Variants in NF1 observed in about 807,000 individuals in gnomAD.
NF1 encodes neurofibromin.
A neutral mutation model predicts 325.7 loss-of-function variants in NF1; 122 were observed. The observed-to-expected ratio is 0.37, with a 90% CI of 0.32 to 0.44. NF1 has a LOEUF of 0.44. Ranked by LOEUF, NF1 falls within the 20% of genes least tolerant of loss-of-function variation. The pLI, the probability that NF1 is intolerant of heterozygous loss-of-function variation, is 1.00. For missense variants in NF1, 2,140 were observed against 3,415.4 expected (o/e 0.63, Z 9.31); for synonymous variants, 1,091 against 1,186.0 (o/e 0.92, Z 1.65).
chr17:31,325,226 C>T (rs955684540), intron 36 of NF1, among the ~76,000 whole-genome samples: 11 of 152,140 alleles, frequency 7.2e-5, no homozygotes, highest in Non-Finnish European at 1.2e-4. Context: ...TTTCTCAGCT[C>T]CTTCTCTTCA....
At chr17:31,230,204 T>C in intron 22 of NF1, 56 bp from the exon 23 acceptor site, 2 of 1,580,890 alleles carry the variant, frequency 1.3e-6, no homozygotes, top group African/African-American at 1.3e-5. Context: ...GTATTTAGAA[T>C]GCCTTCTCTT....
At chr17:31,120,873 T>A (rs1427340976) in intron 1 of NF1, among the ~76,000 whole-genome samples, 1 of 152,166 alleles carries the variant, frequency 6.6e-6, no homozygotes, top group East Asian at 1.9e-4. Context: ...AATTTGTGAT[T>A]GTTTCAAATC....
intron 39 of NF1, chr17:31,331,579 A>G (rs2069488641): frequency 6.6e-6 from 1 of 152,220 alleles, no homozygotes; most frequent in African/African-American, 2.4e-5. Context: ...CCATCAGATC[A>G]GTTTAAGAGA....
At chr17:31,098,187 C>T (rs1052933288) in intron 1 of NF1, among the ~76,000 whole-genome samples, 6 of 150,368 alleles carry the variant, frequency 4.0e-5, no homozygotes, top group African/African-American at 1.5e-4. Flanking sequence ...TAGAGTTCAC[C>T]TTACGGTTGA....
At chr17:31,204,664 C>T (rs115034529) in intron 11 of NF1, among the ~76,000 whole-genome samples, 72 of 151,808 alleles carry the variant, frequency 4.7e-4, no homozygotes, top group African/African-American at 1.6e-3. Context: ...TACCACAATA[C>T]GGTTTCAAAA....
intron 1 of NF1, among the ~76,000 whole-genome samples, chr17:31,114,110 G>A (rs1159710897): frequency 1.1e-4 from 16 of 152,144 alleles, no homozygotes; most frequent in Admixed American, 1.0e-3. Context: ...TTATAAACTT[G>A]CCCGTTTCCC....
At chr17:31,356,375 A>G (rs970684703) in intron 51 of NF1, 85 bp from the exon 52 acceptor site, 2 of 1,431,386 alleles carry the variant, frequency 1.4e-6, no homozygotes, top group Admixed American at 1.7e-5. Flanking sequence ...TAAACACTTT[A>G]TGTCCAAACA....
At chr17:31,183,197 T>C (rs1466731161) in intron 8 of NF1, 3 of 230,326 alleles carry the variant, frequency 1.3e-5, no homozygotes, top group African/African-American at 4.4e-5. Context: ...TAAAATTTTT[T>C]TAAATATCAC....
In NF1 at chr17:31,235,718, G is replaced by C. The variant is rs756780735; in HGVS notation, c.3816G>C (p.Gln1272His). ...SKEVELADSM[Q>H]TLFRGNSLAS... ...AAGTAGAATTGGCAGACTCCATGCA[G>C]ACTCTCTTCCGAGGCAACAGCTTGG... Residue 1272 changes from glutamine (Q) to histidine (H), a missense_variant, in exon 28 of 58, where the codon CAG becomes CAC. Transcript: ENST00000358273. 6.2e-7 allele frequency: 1 copy of C among 1,614,032 alleles called. No individual in the cohort carries two copies. The highest frequency in any genetic ancestry group is 8.5e-7 in the Non-Finnish European group (1 of 1,180,026).
At chr17:31,280,672 T>C (rs2068101412) in intron 36 of NF1, among the ~76,000 whole-genome samples, 1 of 152,062 alleles carries the variant, frequency 6.6e-6, no homozygotes, top group Admixed American at 6.6e-5. Flanking sequence ...AATTGGAGTA[T>C]TTGTCACCGG....
At chr17:31,289,053 A>G (rs1468640360) in intron 36 of NF1, among the ~76,000 whole-genome samples, 1 of 152,124 alleles carries the variant, frequency 6.6e-6, no homozygotes, top group Non-Finnish European at 1.5e-5. Context: ...TCATTCTTTT[A>G]TTTATAAATT....
intron 15 of NF1, chr17:31,222,710 TA>T (rs2066947278): frequency 4.8e-6 from 1 of 206,884 alleles, no homozygotes; most frequent in South Asian, 1.8e-4. Context: ...GTAATCAATA[TA>T]AAAGTTATTA....
chr17:31,341,714 CAT>C (rs1356415526), intron 47 of NF1, among the ~76,000 whole-genome samples: 2 of 149,912 alleles, frequency 1.3e-5, no homozygotes, highest in African/African-American at 2.5e-5. Flanking sequence ...TGCACGTGTG[CAT>C]GTGTGTGTGT....
rs186121639 is a variant in NF1 at position 31,181,833 on chromosome 17, A to G, written c.730+48A>G. The G allele has an allele frequency of 3.9e-5, 48 of 1,228,346 alleles. No homozygotes were observed. In the East Asian group the frequency reaches 5.8e-4, roughly 15 times the overall value. 76.1% of individuals were successfully genotyped at this position (1,228,346 alleles called of 1,614,324 possible). On this transcript the variant is annotated intron_variant, in intron 7 of 57. Transcript: ENST00000358273. ...TTTTTTTTTTGTCTTTTAAATGCCT[A>G]CTTGTGACATAAAAACCTATCATCG...
chr17:31,151,047 AAT>A (rs1444489155), intron 1 of NF1, among the ~76,000 whole-genome samples: 7 of 148,864 alleles, frequency 4.7e-5, no homozygotes, highest in Non-Finnish European at 1.1e-4. Context: ...AAAAAAAATA[AAT>A]AAATAAATAA....
intron 36 of NF1, chr17:31,320,522 A>G (rs1032115252): frequency 2.6e-6 from 3 of 1,145,666 alleles, no homozygotes; most frequent in Admixed American, 2.1e-5. Context: ...TACTATTAAA[A>G]TACAGAAATT....
At position 31,289,723 on chromosome 17, in the gene NF1, G is replaced by T. The variant is rs2068310484; in HGVS notation, c.4835+24384G>T. Among the ~76,000 whole-genome samples, 3 of 152,210 alleles carry T rather than the reference G, an allele frequency of 2.0e-5. No homozygotes were observed. In the South Asian group the frequency reaches 6.2e-4, roughly 32 times the overall value. On this transcript the variant is annotated intron_variant, in intron 36 of 57. Coordinates refer to ENST00000358273, the MANE Select transcript of NF1 (RefSeq NM_001042492.3). ...AATTTCCTAATGGTGGATATTTATT[G>T]TTGTTTCAGTTTTTCTTGTTAGAAA...
Position 31,227,586 on chromosome 17 carries a change from G to A in NF1, c.2389G>A (p.Ala797Thr), listed in dbSNP as rs2151427576. Residue 797 changes from alanine (A) to threonine (T), a missense_variant, in exon 20 of 58, where the codon GCC becomes ACC. This residue lies in a region of NF1 where 380 missense variants were observed against 639.3 expected (regional missense o/e 0.59). Coordinates refer to ENST00000358273, the MANE Select transcript of NF1 (RefSeq NM_001042492.3). Reference sequence around the variant, plus strand: ...AAAGCTAATCCTTAACTATCCAAAAGCCAAAATGGAAGATGGCCAGGTAAG... The same window carrying A: ...AAAGCTAATCCTTAACTATCCAAAAACCAAAATGGAAGATGGCCAGGTAAG... ...ATKLILNYPKAKMEDGQAAES... is the reference protein window; with the variant it reads ...ATKLILNYPKTKMEDGQAAES... The A allele has an allele frequency of 6.2e-7, 1 of 1,613,734 alleles. No individual in the cohort carries two copies. Among genetic ancestry groups the A allele is most frequent in the South Asian group, 1.1e-5 (1 of 91,088 alleles).
intron 36 of NF1, among the ~76,000 whole-genome samples, chr17:31,314,768 G>A (rs932400809): frequency 3.3e-5 from 5 of 152,110 alleles, no homozygotes; most frequent in South Asian, 2.1e-4. Flanking sequence ...AACAAAAGTG[G>A]GAGTGCAGAT....
Sources: allele counts gnomAD v4.1 joint callset (sites outside exome capture counted in the v4.1 genomes callset), GRCh38; gene constraint gnomAD v4.1.1; regional missense constraint gnomAD v4.1.1; transcripts MANE v1.5; gene names NCBI Gene and HGNC (gene_info 2026-07-23, HGNC 2026-07-21).